Variants in KCNJ6 observed in about 807,000 individuals in gnomAD.
KCNJ6 encodes the protein potassium inwardly rectifying channel subfamily J member 6, also known as G protein-activated inward rectifier potassium channel 2.
A neutral mutation model predicts 34.2 loss-of-function variants in KCNJ6; 9 were observed. That is an observed-to-expected ratio of 0.26 (90% CI 0.16 to 0.46). KCNJ6 has a LOEUF of 0.46. KCNJ6 is among the 20% of genes least tolerant of loss of function. KCNJ6 has a pLI of 1.00. For missense variants in KCNJ6, 236 were observed against 531.3 expected (o/e 0.44, Z 5.46); for synonymous variants, 196 against 207.1 (o/e 0.95, Z 0.46).
chr21:37,617,655 A>C lies in KCNJ6; in HGVS notation c.*7504T>G, dbSNP rs2054277338. 6.6e-6 allele frequency: 1 copy of C among 152,238 alleles called. No individual in the cohort carries two copies. The highest frequency in any genetic ancestry group is 1.5e-5 in the Non-Finnish European group (1 of 68,046). The allele number at this position is 152,238 out of a possible 1,614,324, so 9.4% of individuals were successfully genotyped here. ...AGTTCTGCCATTGGCCCGATGACTG[A>C]GTCTGTGCCCACGGCATCGTGATAC... On this transcript the variant is annotated 3_prime_UTR_variant, in exon 4 of 4. Coordinates refer to ENST00000609713, the MANE Select transcript of KCNJ6 (RefSeq NM_002240.5).
At chr21:37,708,850 G>A (rs954896424) in intron 3 of KCNJ6, among the ~76,000 whole-genome samples, 3 of 152,222 alleles carry the variant, frequency 2.0e-5, no homozygotes, top group Non-Finnish European at 4.4e-5. Context: ...AACAGTTTAA[G>A]AGCATGGTGA....
intron 2 of KCNJ6, among the ~76,000 whole-genome samples, chr21:37,798,610 T>A (rs2055254586): frequency 6.6e-6 from 1 of 152,236 alleles, no homozygotes; most frequent in Non-Finnish European, 1.5e-5. Context: ...GAAGTACTGA[T>A]CTGTGCTACA....
intron 3 of KCNJ6, among the ~76,000 whole-genome samples, chr21:37,713,163 A>G (rs112175355): frequency 6.6e-6 from 1 of 152,120 alleles, no homozygotes; most frequent in African/African-American, 2.4e-5. Flanking sequence ...CCTAAAAGGG[A>G]TCACAGGATT....
At chr21:37,710,158 C>T (rs529616708) in intron 3 of KCNJ6, among the ~76,000 whole-genome samples, 103 of 152,256 alleles carry the variant, frequency 6.8e-4, no homozygotes, top group African/African-American at 2.5e-3. Context: ...TATCCTGATT[C>T]AAACAAGCTG....
chr21:37,724,843 G>T (rs2054845896), intron 2 of KCNJ6, among the ~76,000 whole-genome samples: 1 of 152,064 alleles, frequency 6.6e-6, no homozygotes, highest in Non-Finnish European at 1.5e-5. Flanking sequence ...GAAAAAAAAT[G>T]ATGAGTCTTC....
At chr21:37,894,342 G>A (rs1274262217) in intron 1 of KCNJ6, among the ~76,000 whole-genome samples, 5 of 152,152 alleles carry the variant, frequency 3.3e-5, no homozygotes, top group African/African-American at 1.2e-4. Context: ...TGCACATTGA[G>A]GTTTGAGAAA....
chr21:37,846,197 A>G (rs2055506400), intron 1 of KCNJ6, among the ~76,000 whole-genome samples: 1 of 152,132 alleles, frequency 6.6e-6, no homozygotes, highest in Non-Finnish European at 1.5e-5. Flanking sequence ...TGTGTAATTT[A>G]TACTCCCACA....
chr21:37,647,735 T>C (rs573267126), intron 3 of KCNJ6, among the ~76,000 whole-genome samples: 10 of 151,972 alleles, frequency 6.6e-5, no homozygotes, highest in African/African-American at 2.4e-4. Context: ...TGATAAGGGG[T>C]CTTGCCCACA....
intron 1 of KCNJ6, among the ~76,000 whole-genome samples, chr21:37,868,465 G>A (rs1258470822): frequency 6.6e-6 from 1 of 152,190 alleles, no homozygotes; most frequent in African/African-American, 2.4e-5. Flanking sequence ...GGAAAACTAA[G>A]ATAAAATGTG....
At chr21:37,662,087 T>A (rs951267574) in intron 3 of KCNJ6, among the ~76,000 whole-genome samples, 2 of 152,038 alleles carry the variant, frequency 1.3e-5, no homozygotes, top group African/African-American at 2.4e-5. Flanking sequence ...CAGAGAAAAT[T>A]TTATTTATTT....
Position 37,867,357 on chromosome 21 carries a change from T to C in KCNJ6, c.-27-26648A>G, listed in dbSNP as rs140987436. ...CCAGTGAGGAGAGCTGAGGGGTCAC[T>C]GGCCCCCAGAAAGCCCCATGCAGCC... On this transcript the variant is annotated intron_variant, in intron 1 of 3. Coordinates refer to ENST00000609713, the MANE Select transcript of KCNJ6 (RefSeq NM_002240.5). Among the ~76,000 whole-genome samples, 17 of 152,282 alleles carry C rather than the reference T, an allele frequency of 1.1e-4. No individual in the cohort carries two copies. In the East Asian group the frequency reaches 3.3e-3, roughly 29 times the overall value.
intron 3 of KCNJ6, among the ~76,000 whole-genome samples, chr21:37,661,004 CACTT>C (rs2054485751): frequency 6.6e-6 from 1 of 152,186 alleles, no homozygotes; most frequent in Non-Finnish European, 1.5e-5. Context: ...ACAGGGAAAA[CACTT>C]TCATGATCTT....
intron 1 of KCNJ6, among the ~76,000 whole-genome samples, chr21:37,915,401 T>C (rs1478710334): frequency 1.3e-5 from 2 of 152,192 alleles, no homozygotes; most frequent in Non-Finnish European, 2.9e-5. Context: ...TCTCCGCATG[T>C]TTCTCCCCAA....
chr21:37,823,620 T>C (rs1475897501), intron 2 of KCNJ6, among the ~76,000 whole-genome samples: 1 of 152,228 alleles, frequency 6.6e-6, no homozygotes, highest in Non-Finnish European at 1.5e-5. Context: ...CTTTCTCTCC[T>C]GCCGCCATGT....
intron 3 of KCNJ6, among the ~76,000 whole-genome samples, chr21:37,693,835 C>T (rs761795672): frequency 3.6e-4 from 55 of 152,152 alleles, no homozygotes; most frequent in Admixed American, 5.9e-4. Context: ...TACCCACTTT[C>T]TTCCCTCAAC....
At chr21:37,728,601 G>A (rs1187324621) in intron 2 of KCNJ6, among the ~76,000 whole-genome samples, 2 of 152,074 alleles carry the variant, frequency 1.3e-5, no homozygotes, top group Non-Finnish European at 2.9e-5. Context: ...CTGAAAAATG[G>A]TGGGATTTTG....
chr21:37,816,302 C>T (rs891566398), intron 2 of KCNJ6, among the ~76,000 whole-genome samples: 7 of 152,154 alleles, frequency 4.6e-5, no homozygotes, highest in Non-Finnish European at 5.9e-5. Flanking sequence ...ATGTTCAACT[C>T]AAAAATCCCT....
intron 1 of KCNJ6, among the ~76,000 whole-genome samples, chr21:37,857,077 C>A (rs2055569158): frequency 6.6e-6 from 1 of 152,210 alleles, no homozygotes; most frequent in South Asian, 2.1e-4. Flanking sequence ...TTCTTTAAAC[C>A]ATTCCTATGG....
At chr21:37,793,032 T>C (rs971718016) in intron 2 of KCNJ6, among the ~76,000 whole-genome samples, 3 of 152,162 alleles carry the variant, frequency 2.0e-5, no homozygotes, top group African/African-American at 7.2e-5. Context: ...CTAGGGCTTG[T>C]CAACTCCATG....
Sources: gnomAD v4.1 joint callset for allele counts (sites outside exome capture counted in the v4.1 genomes callset) on GRCh38, gnomAD v4.1.1 for gene constraint, MANE v1.5 for transcripts, NCBI Gene and HGNC (gene_info 2026-07-23, HGNC 2026-07-21) for gene names.